SWT1: variants seen among roughly 807,000 people sequenced by gnomAD.
The protein encoded by SWT1 is SWT1 RNA endoribonuclease homolog.
In SWT1, 33 loss-of-function variants were observed where a neutral mutation model predicts 107.3. That is an observed-to-expected ratio of 0.31 (90% CI 0.23 to 0.41). The LOEUF (loss-of-function observed/expected upper bound fraction) is 0.41. Ranked by LOEUF, SWT1 falls within the 10% of genes least tolerant of loss-of-function variation. The pLI is 1.00. For synonymous variants in SWT1, 345 were observed against 348.3 expected, an observed-to-expected ratio of 0.99 and a Z score of 0.11; for missense variants, 898 against 1,028.9, an observed-to-expected ratio of 0.87 and a Z score of 1.74.
At position 185,180,347 on chromosome 1, in the gene SWT1, A is replaced by G. The variant is rs775324803; in HGVS notation, c.967-44A>G. 6.4e-5 allele frequency: 95 copies of G among 1,494,330 alleles called. 1 individual carries two copies. The Admixed American group carries it at 1.4e-3, about 22-fold the overall frequency. 92.6% of individuals were successfully genotyped at this position (1,494,330 alleles called of 1,614,324 possible). A position where few individuals can be genotyped will look rare whatever the true frequency, so the allele number is the denominator to read the frequency against. On this transcript the variant is annotated intron_variant, in intron 5 of 18. Transcript: ENST00000367500. ...GTGACAAGGTTGAAAAACCCTATTT[A>G]GGTTATGCTTTATTCTTAGCTAATG... is the stretch of plus-strand genomic sequence containing the variant.
chr1:185,220,680 A>G lies in SWT1; in HGVS notation c.2122-1169A>G, dbSNP rs1345457010. 2.6e-5 allele frequency among the ~76,000 whole-genome samples: 4 copies of G among 152,328 alleles called. No individual in the cohort carries two copies. The East Asian group carries it at 5.8e-4, about 22-fold the overall frequency. On this transcript the variant is annotated intron_variant, in intron 14 of 18. Coordinates refer to ENST00000367500, the MANE Select transcript of SWT1 (RefSeq NM_017673.7). Reference sequence around the variant, plus strand: ...CCTCAAACTCAACATATACCTAAAAAACAAACATATTCTGTTCATCCAAAG... The same window carrying G: ...CCTCAAACTCAACATATACCTAAAAGACAAACATATTCTGTTCATCCAAAG...
intron 4 of SWT1, chr1:185,171,588 T>C (rs1176051931): frequency 2.1e-6 from 1 of 483,528 alleles, no homozygotes; most frequent in Non-Finnish European, 4.0e-6. Context: ...TTGCAAAAAC[T>C]GCTCAAAATT....
chr1:185,239,131 A>G (rs1037581299), intron 16 of SWT1, among the ~76,000 whole-genome samples: 5 of 152,044 alleles, frequency 3.3e-5, no homozygotes, highest in Non-Finnish European at 7.4e-5. Flanking sequence ...TAAAGAAGTG[A>G]ATGAAAACAT....
At chr1:185,288,369 C>G (rs1035049245) in intron 18 of SWT1, among the ~76,000 whole-genome samples, 5 of 152,106 alleles carry the variant, frequency 3.3e-5, no homozygotes, top group African/African-American at 1.2e-4. Context: ...GTGAGCCACC[C>G]AAAAGTCAGG....
chr1:185,205,017 A>G (rs953037690), intron 12 of SWT1, among the ~76,000 whole-genome samples, 154 bp downstream of exon 12: 1 of 152,176 alleles, frequency 6.6e-6, no homozygotes, highest in Non-Finnish European at 1.5e-5. Flanking sequence ...GTTTTTTGAC[A>G]GTTAAATGAT....
At chr1:185,264,991 A>C (rs1280088420) in intron 16 of SWT1, among the ~76,000 whole-genome samples, 1 of 152,182 alleles carries the variant, frequency 6.6e-6, no homozygotes, top group East Asian at 1.9e-4. Context: ...CTTTAAGTTA[A>C]ATCTGAAACA....
intron 16 of SWT1, among the ~76,000 whole-genome samples, chr1:185,232,072 G>A (rs146865534): frequency 2.7e-4 from 41 of 152,106 alleles, no homozygotes; most frequent in Non-Finnish European, 5.3e-4. Context: ...GCAAACTATT[G>A]TTAATATACA....
chr1:185,214,166 C>A lies in SWT1; in HGVS notation c.1973-341C>A, dbSNP rs191546412. ...TCCACAGTACTCTTATGTGAAATCACCTCAGCATTGAAATCTGTGGTTTGA... is the reference window on the plus strand; with the variant it reads ...TCCACAGTACTCTTATGTGAAATCAACTCAGCATTGAAATCTGTGGTTTGA... On this transcript the variant is annotated intron_variant, in intron 13 of 18. Coordinates refer to ENST00000367500, the MANE Select transcript of SWT1 (RefSeq NM_017673.7). Among the ~76,000 whole-genome samples, 6 of 152,220 alleles carry A rather than the reference C, an allele frequency of 3.9e-5. No individual in the cohort carries two copies. The East Asian group carries it at 1.2e-3, about 29-fold the overall frequency.
chr1:185,225,050 G>A (rs758684084), intron 15 of SWT1, among the ~76,000 whole-genome samples: 12 of 151,854 alleles, frequency 7.9e-5, no homozygotes, highest in Non-Finnish European at 1.5e-4. Flanking sequence ...GTTAACTATG[G>A]GTTTGTCATA....
chr1:185,204,903 A>G (rs939441764), intron 12 of SWT1, 40 bp downstream of exon 12: 6 of 1,222,990 alleles, frequency 4.9e-6, no homozygotes, highest in Non-Finnish European at 6.7e-6. Context: ...TTTCTTTTTT[A>G]TTGCTGAAGA....
At chr1:185,264,476 A>G in intron 16 of SWT1, 1 of 983,094 alleles carries the variant, frequency 1.0e-6, no homozygotes, top group Non-Finnish European at 1.2e-6. Context: ...TTTCAAAGAT[A>G]AGAAATAGAA....
intron 6 of SWT1, among the ~76,000 whole-genome samples, 172 bp downstream of exon 6, chr1:185,180,622 ATACTT>A (rs1282844347): frequency 1.3e-5 from 2 of 152,238 alleles, no homozygotes; most frequent in Non-Finnish European, 1.5e-5. Flanking sequence ...TCAGAAAAGT[ATACTT>A]TAGTACTTTT....
At chr1:185,159,224 TGA>T (rs1653931297) in intron 1 of SWT1, among the ~76,000 whole-genome samples, 1 of 152,220 alleles carries the variant, frequency 6.6e-6, no homozygotes, top group Non-Finnish European at 1.5e-5. Context: ...ATTAAGTGCA[TGA>T]TTACCAAGCA....
At chr1:185,274,316 T>C (rs1664093134) in intron 17 of SWT1, among the ~76,000 whole-genome samples, 1 of 148,144 alleles carries the variant, frequency 6.8e-6, no homozygotes, top group Non-Finnish European at 1.5e-5. Flanking sequence ...ATTTTATATA[T>C]ATATTATATA....
At chr1:185,240,169 T>C (rs1341753063) in intron 16 of SWT1, among the ~76,000 whole-genome samples, 1 of 152,046 alleles carries the variant, frequency 6.6e-6, no homozygotes, top group Admixed American at 6.6e-5. Flanking sequence ...TGAGAAACTT[T>C]AACTTGCTTA....
chr1:185,199,029 CTGG>C (rs1188238133), intron 10 of SWT1, among the ~76,000 whole-genome samples: 1 of 151,688 alleles, frequency 6.6e-6, no homozygotes, highest in Non-Finnish European at 1.5e-5. Flanking sequence ...CCTCCACATC[CTGG>C]GTTCATGCGA....
intron 9 of SWT1, among the ~76,000 whole-genome samples, chr1:185,186,360 G>A (rs956023018): frequency 2.6e-5 from 4 of 152,182 alleles, no homozygotes; most frequent in African/African-American, 9.7e-5. Flanking sequence ...TTGTAGAAGA[G>A]CAGTATTTAG....
intron 15 of SWT1, chr1:185,227,235 G>A (rs1660136593): frequency 2.5e-6 from 2 of 786,286 alleles, no homozygotes; most frequent in African/African-American, 1.7e-5. Context: ...TTTATTGCCA[G>A]TGGTAATTCT....
In SWT1 at chr1:185,231,680, G is replaced by A. The variant is rs1241740474; in HGVS notation, c.2413G>A (p.Val805Met). ...ATGTCTTCAAAAGTTAATGGCAGCT[G>A]TGAGGGATATTCTTGAAGGAATTCA... ...FICLQKLMAA[V>M]RDILEGIQRI... is the part of the protein sequence containing the mutation. Residue 805 changes from valine (V) to methionine (M), a missense_variant, in exon 16 of 19, where the codon GTG becomes ATG. This residue lies in a region of SWT1 where 382 missense variants were observed against 460.0 expected (regional missense o/e 0.83). Transcript: ENST00000367500. 1 of 1,606,398 alleles carries A rather than the reference G, an allele frequency of 6.2e-7. No homozygotes were observed. Among genetic ancestry groups the A allele is most frequent in the Non-Finnish European group, 8.5e-7 (1 of 1,173,750 alleles).
Sources: allele counts gnomAD v4.1 joint callset (sites outside exome capture counted in the v4.1 genomes callset), GRCh38; gene constraint gnomAD v4.1.1; regional missense constraint gnomAD v4.1.1; transcripts MANE v1.5; gene names NCBI Gene and HGNC (gene_info 2026-07-23, HGNC 2026-07-21).